The following MUC20 variants were observed in gnomAD, a reference collection of about 807,000 sequenced individuals.
MUC20 encodes the protein mucin-20.
In MUC20, 14 loss-of-function variants were observed where a neutral mutation model predicts 23.8. That is an observed-to-expected ratio of 0.59 (90% confidence interval 0.39 to 0.92). The LOEUF is 0.92. Among genes scored for constraint, MUC20 ranks in the 40% least tolerant of loss-of-function variants. The probability of loss-of-function intolerance (pLI) is 0.00; values close to 1 mark genes in which losing one functional copy is unlikely to be tolerated. For synonymous variants in MUC20, 166 were observed against 279.3 expected, an observed-to-expected ratio of 0.59 and a Z score of 4.04; for missense variants, 375 against 668.8, an observed-to-expected ratio of 0.56 and a Z score of 4.85.
At chr3:195,729,950 T>TA in intron 3 of MUC20, 1 of 607,970 alleles carries the variant, frequency 1.6e-6, no homozygotes, top group East Asian at 2.8e-5. Flanking sequence ...CTCTGCAATG[T>TA]AAACATGTGA....
intron 3 of MUC20, among the ~76,000 whole-genome samples, chr3:195,732,437 G>A (rs535279857): frequency 8.6e-5 from 13 of 151,290 alleles, no homozygotes; most frequent in African/African-American, 3.1e-4. Flanking sequence ...TCGGCTCACT[G>A]CAACCTCCAC....
chr3:195,730,371 A>C (rs532193198), intron 3 of MUC20, among the ~76,000 whole-genome samples: 59 of 152,340 alleles, frequency 3.9e-4, no homozygotes, highest in South Asian at 2.9e-3. Flanking sequence ...TTTGAGACGA[A>C]GTCTCGCTCT....
At position 195,729,795 on chromosome 3, in the gene MUC20, GC is replaced by G. The variant is rs530011904; in HGVS notation, c.2061+57del. The G allele has an allele frequency of 2.0e-6, 3 of 1,501,124 alleles. No individual in the cohort carries two copies. In the South Asian group the frequency reaches 3.6e-5, roughly 18 times the overall value. The allele number at this position is 1,501,124 out of a possible 1,614,324, so 93.0% of individuals were successfully genotyped here. On this transcript the variant is annotated intron_variant, in intron 3 of 3. Coordinates refer to ENST00000447234, the MANE Select transcript of MUC20 (RefSeq NM_001282506.2). ...AGAGGAAGGGGCGAGGTTCGCAGGG[GC>G]TGCAGGGAAGACCCGCAGGACACAG...
At chr3:195,728,283 T>G (rs1298242738) in intron 2 of MUC20, among the ~76,000 whole-genome samples, 1 of 152,292 alleles carries the variant, frequency 6.6e-6, no homozygotes, top group Non-Finnish European at 1.5e-5. Flanking sequence ...TTTTTATTGA[T>G]TATTATTTTC....
intron 3 of MUC20, among the ~76,000 whole-genome samples, chr3:195,730,562 G>C (rs1435507470): frequency 6.6e-6 from 1 of 152,020 alleles, no homozygotes; most frequent in Non-Finnish European, 1.5e-5. Context: ...GTGTTAGCCA[G>C]AATAGTCTCA....
At chr3:195,731,086 C>G (rs1713340007) in intron 3 of MUC20, among the ~76,000 whole-genome samples, 1 of 152,204 alleles carries the variant, frequency 6.6e-6, no homozygotes, top group South Asian at 2.1e-4. Context: ...GAAAACAGGC[C>G]CAGTGCACAG....
At position 195,732,397 on chromosome 3, in the gene MUC20, TCGTC is replaced by T. The variant is rs375783090; in HGVS notation, c.2062-751_2062-748del. Among the ~76,000 whole-genome samples, 39 of 152,136 alleles carry T rather than the reference TCGTC, an allele frequency of 2.6e-4. No individual in the cohort carries two copies. In the East Asian group the frequency reaches 7.0e-3, roughly 27 times the overall value. On this transcript the variant is annotated intron_variant, in intron 3 of 3. Coordinates refer to ENST00000447234, the MANE Select transcript of MUC20 (RefSeq NM_001282506.2). Reference sequence around the variant, plus strand: ...TTTCTTGAGACAGATTCTCGCTCTGTCGTCCAGGCTGGAGTGCAATGGCACGATC... The same window carrying T: ...TTTCTTGAGACAGATTCTCGCTCTGTCAGGCTGGAGTGCAATGGCACGATC...
At chr3:195,732,571 G>A (rs184915723) in intron 3 of MUC20, among the ~76,000 whole-genome samples, 82 of 152,314 alleles carry the variant, frequency 5.4e-4, no homozygotes, top group African/African-American at 1.8e-3. Flanking sequence ...TGTTGGTCAG[G>A]CTGGTCTCGA....
In MUC20 at chr3:195,726,329, C is replaced by A. The variant is rs371697936; in HGVS notation, c.1726C>A (p.Pro576Thr). ...FAGSSASSYS[P>T]SEAALKNFTP... ...TGGGAGCTCTGCTTCCTCCTACAGC[C>A]CCTCGGAAGCCGCCCTCAAGAACTT... The change falls in exon 2 of 4, where the codon CCC (proline) becomes ACC (threonine). Residue 576 changes from proline (P) to threonine (T), a missense_variant. By Grantham distance (38) the Pro-to-Thr change is conservative. This residue lies in a region of MUC20 where 343 missense variants were observed against 340.2 expected (regional missense o/e 1.01). Transcript: ENST00000447234. 111 of 1,613,902 alleles carry A rather than the reference C, an allele frequency of 6.9e-5. No homozygotes were observed. In the South Asian group the frequency reaches 1.1e-3, roughly 16 times the overall value.
Position 195,725,995 on chromosome 3 carries a change from C to G in MUC20, c.1392C>G (p.Ser464=). ...STSDPPALPD[S]TEAKPHITEV... ...CCGATCCACCAGCTCTGCCTGACTC[C>G]ACTGAAGCAAAACCACACATCACTG... The change falls in exon 2 of 4, where the codon TCC becomes TCG. Residue 464 remains serine (S), a synonymous_variant. Transcript: ENST00000447234. 1.2e-6 allele frequency: 2 copies of G among 1,614,012 alleles called. No homozygotes were observed. Among genetic ancestry groups the G allele is most frequent in the Non-Finnish European group, 1.7e-6 (2 of 1,179,882 alleles).
intron 2 of MUC20, chr3:195,729,327 T>TTG: frequency 4.1e-6 from 1 of 244,110 alleles, no homozygotes; most frequent in Non-Finnish European, 8.0e-6. Context: ...TTTTTTTTTT[T>TTG]TTTTTTTTGA....
At chr3:195,727,088 A>G (rs933661063) in intron 2 of MUC20, among the ~76,000 whole-genome samples, 102 of 152,360 alleles carry the variant, frequency 6.7e-4, no homozygotes, top group African/African-American at 2.5e-3. Flanking sequence ...GATTTATGCC[A>G]TAGATAGTGA....
At chr3:195,721,117 C>G in intron 1 of MUC20, 34 bp downstream of exon 1, 1 of 1,541,532 alleles carries the variant, frequency 6.5e-7, no homozygotes, top group Non-Finnish European at 8.8e-7. Flanking sequence ...GTGGGCCTCT[C>G]CCCTAGTAGG....
chr3:195,722,886 A>G (rs1235352402), intron 1 of MUC20: 179 of 956,556 alleles, frequency 1.9e-4, no homozygotes, highest in Middle Eastern at 1.1e-3. Flanking sequence ...GGACTCGCCT[A>G]TACTGCCTGG....
intron 2 of MUC20, among the ~76,000 whole-genome samples, chr3:195,727,741 G>A (rs539772978): frequency 2.4e-4 from 37 of 152,402 alleles, no homozygotes; most frequent in Admixed American, 8.5e-4. Context: ...GTGCCAGGCA[G>A]TGTGCCACCA....
chr3:195,729,891 T>C (rs1187563010), intron 3 of MUC20, 152 bp downstream of exon 3: 4 of 765,394 alleles, frequency 5.2e-6, no homozygotes, highest in Non-Finnish European at 8.4e-6. Flanking sequence ...TCTGAGGATC[T>C]CTGCCTGGCT....
rs192564648 is a variant in MUC20, at chr3:195,726,237, A to G, written c.1634A>G (p.Lys545Arg). The G allele has an allele frequency of 5.3e-4, 855 of 1,613,758 alleles. No homozygotes were observed. In the African/African-American group the frequency reaches 9.6e-3, roughly 18 times the overall value. Reference sequence around the variant, plus strand: ...TCTGTTGAGACACCAAGTTACGTCAAAGTCTCAGGAGCAGCTCCGGTCTCC... The same window carrying G: ...TCTGTTGAGACACCAAGTTACGTCAGAGTCTCAGGAGCAGCTCCGGTCTCC... ...ALSVETPSYV[K>R]VSGAAPVSIE... Residue 545 changes from lysine to arginine, a missense_variant, in exon 2 of 4, where the codon AAA (lysine) becomes AGA (arginine). Around this residue, in one of 4 missense-constraint regions of MUC20, gnomAD observed 343 missense variants for 340.2 expected, o/e 1.01. Coordinates refer to ENST00000447234, the MANE Select transcript of MUC20 (RefSeq NM_001282506.2).
intron 1 of MUC20, chr3:195,722,102 C>T (rs1385857163): frequency 4.0e-5 from 13 of 326,636 alleles, no homozygotes; most frequent in Admixed American, 1.3e-4. Context: ...TCATCAGCGT[C>T]CCCCACCAGA....
chr3:195,726,543 G>T lies in MUC20; in HGVS notation c.1940G>T (p.Arg647Leu). Residue 647 changes from arginine (R) to leucine (L), a missense_variant, in exon 2 of 4, where the codon CGG (arginine) becomes CTG (leucine). By Grantham distance (102) the Arg-to-Leu change is moderately radical (BLOSUM62 -2). This residue lies in a region of MUC20 where 343 missense variants were observed against 340.2 expected (regional missense o/e 1.01). Coordinates refer to ENST00000447234, the MANE Select transcript of MUC20 (RefSeq NM_001282506.2). Reference sequence around the variant, plus strand: ...CCAACAGCCACGCCCACGACTGCCCGGACGAGGCCGACCACAGACGTGAGT... The same window carrying T: ...CCAACAGCCACGCCCACGACTGCCCTGACGAGGCCGACCACAGACGTGAGT... Reference protein sequence around the residue: ...KPPTATPTTARTRPTTDVSAG... With the variant: ...KPPTATPTTALTRPTTDVSAG... The T allele has an allele frequency of 6.2e-7, 1 of 1,613,802 alleles. No individual in the cohort carries two copies. Among genetic ancestry groups the T allele is most frequent in the Non-Finnish European group, 8.5e-7 (1 of 1,179,720 alleles).
Sources: gnomAD v4.1 joint callset for allele counts (sites outside exome capture counted in the v4.1 genomes callset) on GRCh38, gnomAD v4.1.1 for gene constraint, gnomAD v4.1.1 regional missense constraint, MANE v1.5 for transcripts, NCBI Gene and HGNC (gene_info 2026-07-23, HGNC 2026-07-21) for gene names.